Variants in P2RX7 observed in about 807,000 individuals in gnomAD.
The protein encoded by P2RX7 is purinergic receptor P2X 7.
A neutral mutation model predicts 71.6 loss-of-function variants in P2RX7; 62 were observed. That is an observed-to-expected ratio of 0.87 (90% CI 0.71 to 1.07). P2RX7 has a LOEUF of 1.07. Among genes scored for constraint, P2RX7 ranks in the 50% least tolerant of loss-of-function variants. P2RX7 has a pLI of 0.00. For missense variants in P2RX7, 686 were observed against 748.5 expected (o/e 0.92, Z 0.97); for synonymous variants, 299 against 283.3 (o/e 1.06, Z -0.56).
chr12:121,132,987 G>A lies in P2RX7; in HGVS notation c.17G>A (p.Ser6Asn). The A allele has an allele frequency of 6.2e-7, 1 of 1,613,980 alleles. No individual in the cohort carries two copies. The highest frequency in any genetic ancestry group is 8.5e-7 in the Non-Finnish European group (1 of 1,180,014). MPACC[S>N]CSDVFQYETN... Reference sequence around the variant, plus strand: ...GCTGTCACCATGCCGGCCTGCTGCAGCTGCAGTGATGTTTTCCAGTATGAG... The same window carrying A: ...GCTGTCACCATGCCGGCCTGCTGCAACTGCAGTGATGTTTTCCAGTATGAG... Residue 6 changes from serine (S) to asparagine (N), a missense_variant, in exon 1 of 13, where the codon AGC becomes AAC. Coordinates refer to ENST00000328963, the MANE Select transcript of P2RX7 (RefSeq NM_002562.6).
chr12:121,166,120 G>A lies in P2RX7; in HGVS notation c.677G>A (p.Cys226Tyr), dbSNP rs1327528806. 6.2e-7 allele frequency: 1 copy of A among 1,613,946 alleles called. No homozygotes were observed. The highest frequency in any genetic ancestry group is 8.5e-7 in the Non-Finnish European group (1 of 1,179,806). The change falls in exon 7 of 13, where the codon TGT becomes TAT. Residue 226 changes from cysteine (C) to tyrosine (Y), a missense_variant. Physicochemically the swap from Cys to Tyr is radical, Grantham distance 194. Coordinates refer to ENST00000328963, the MANE Select transcript of P2RX7 (RefSeq NM_002562.6). ...CTFHKTQNPQ[C>Y]PIFRLGDIFR... Reference sequence around the variant, plus strand: ...TTCCACAAGACTCAGAATCCACAGTGTCCCATTTTCCGACTAGGAGACATC... The same window carrying A: ...TTCCACAAGACTCAGAATCCACAGTATCCCATTTTCCGACTAGGAGACATC...
At chr12:121,135,480 G>A (rs1380343234) in intron 1 of P2RX7, among the ~76,000 whole-genome samples, 1 of 151,972 alleles carries the variant, frequency 6.6e-6, no homozygotes, top group South Asian at 2.1e-4. Flanking sequence ...ATCTGGAAAC[G>A]TGGATTCAAA....
chr12:121,155,273 C>T, intron 2 of P2RX7: 1 of 1,335,470 alleles, frequency 7.5e-7, no homozygotes. Flanking sequence ...GCAAGGTCTG[C>T]CGAGATTCAG....
intron 3 of P2RX7, among the ~76,000 whole-genome samples, chr12:121,159,184 C>T (rs530058782): frequency 2.0e-5 from 3 of 152,196 alleles, no homozygotes; most frequent in African/African-American, 7.2e-5. Flanking sequence ...TTTGGGAGGT[C>T]GAGGCAGGCA....
At chr12:121,169,397 C>A (rs996441466) in intron 8 of P2RX7, among the ~76,000 whole-genome samples, 2 of 152,084 alleles carry the variant, frequency 1.3e-5, no homozygotes, top group African/African-American at 4.8e-5. Flanking sequence ...CCTTTCATAC[C>A]GACCTATTAT....
chr12:121,179,544 A>C (rs551575887), intron 11 of P2RX7, among the ~76,000 whole-genome samples: 141 of 151,662 alleles, frequency 9.3e-4, no homozygotes, highest in African/African-American at 3.3e-3. Flanking sequence ...TCTTTCCCTC[A>C]TCCAAGAACA....
chr12:121,169,109 G>A (rs1374370273), intron 8 of P2RX7, among the ~76,000 whole-genome samples: 2 of 151,956 alleles, frequency 1.3e-5, no homozygotes, highest in African/African-American at 4.8e-5. Context: ...AGGACTACAG[G>A]TGCACGCCAC....
intron 9 of P2RX7, among the ~76,000 whole-genome samples, chr12:121,176,446 G>A (rs564836880): frequency 3.9e-5 from 6 of 152,136 alleles, no homozygotes; most frequent in African/African-American, 9.7e-5. Context: ...TGCAAAGACC[G>A]CTGGGAATAA....
chr12:121,144,750 C>A (rs1344136939), intron 1 of P2RX7, among the ~76,000 whole-genome samples: 3 of 151,950 alleles, frequency 2.0e-5, no homozygotes, highest in Non-Finnish European at 4.4e-5. Context: ...GTGATAGAGG[C>A]AGAGGAGAGA....
intron 9 of P2RX7, among the ~76,000 whole-genome samples, chr12:121,176,228 AACACACACACACACACAC>A (rs56222751): frequency 1.6e-4 from 22 of 140,844 alleles, no homozygotes; most frequent in Admixed American, 1.3e-3. Flanking sequence ...CAGCCCCTTC[AACACACACACACACACAC>A]ACACACACAC....
intron 1 of P2RX7, among the ~76,000 whole-genome samples, chr12:121,151,927 G>A (rs1343502056): frequency 2.0e-5 from 3 of 152,008 alleles, no homozygotes; most frequent in South Asian, 2.1e-4. Flanking sequence ...GTGGTGGCAC[G>A]AGCTACCCAC....
At chr12:121,162,675 A>C (rs938379133) in intron 5 of P2RX7, among the ~76,000 whole-genome samples, 155 bp downstream of exon 5, 1 of 152,058 alleles carries the variant, frequency 6.6e-6, no homozygotes, top group African/African-American at 2.4e-5. Context: ...ACTGCTTGGC[A>C]CAAACTAGTA....
In P2RX7 at chr12:121,132,961, G is replaced by A. The variant is rs1872730685; in HGVS notation, c.-10G>A. On this transcript the variant is annotated 5_prime_UTR_variant, in exon 1 of 13. Transcript: ENST00000328963. ...TGGTCCAGCTCCGCGCAGGGAGGGA[G>A]GCTGTCACCATGCCGGCCTGCTGCA... is the stretch of plus-strand genomic sequence containing the variant. The A allele has an allele frequency of 6.2e-7, 1 of 1,613,466 alleles. No homozygotes were observed. Among genetic ancestry groups the A allele is most frequent in the Admixed American group, 1.7e-5 (1 of 60,020 alleles).
rs201604423 is a variant in P2RX7 at position 121,165,357 on chromosome 12, G to A, written c.534G>A (p.Arg178=). Residue 178 remains arginine, a splice_region_variant and synonymous_variant, in exon 6 of 13, where the codon CGG becomes CGA. Coordinates refer to ENST00000328963, the MANE Select transcript of P2RX7 (RefSeq NM_002562.6). ...CPIEAVEEAP[R]PALLNSAENF... is the part of the protein sequence containing the mutation. Reference sequence around the variant, plus strand: ...GCCATTTTGCATGTCTCTCTCCCAGGCCTGCTCTCTTGAACAGTGCCGAAA... The same window carrying A: ...GCCATTTTGCATGTCTCTCTCCCAGACCTGCTCTCTTGAACAGTGCCGAAA... 1.3e-5 allele frequency: 21 copies of A among 1,613,566 alleles called. No individual in the cohort carries two copies. The highest frequency in any genetic ancestry group is 1.6e-5 in the Non-Finnish European group (19 of 1,179,702).
intron 3 of P2RX7, among the ~76,000 whole-genome samples, chr12:121,158,690 A>G (rs1879059813): frequency 6.6e-6 from 1 of 152,236 alleles, no homozygotes. Flanking sequence ...CCATGCAACA[A>G]TCACAAAAGA....
At position 121,184,428 on chromosome 12, in the gene P2RX7, G is replaced by A; in HGVS notation, c.1414G>A (p.Asp472Asn). 6.2e-7 allele frequency: 1 copy of A among 1,614,170 alleles called. No homozygotes were observed. The highest frequency in any genetic ancestry group is 2.2e-5 in the East Asian group (1 of 44,878). The change falls in exon 13 of 13, where the codon GAT becomes AAT. Residue 472 changes from aspartate to asparagine, a missense_variant. Transcript: ENST00000328963. ...LRKEATPRSR[D>N]SPVWCQCGSC... ...AAAGGAGGCGACTCCTAGATCCAGG[G>A]ATAGCCCCGTCTGGTGCCAGTGTGG...
chr12:121,155,216 C>T (rs1718125), intron 2 of P2RX7: 200,299 of 1,426,432 alleles, frequency 0.14, 16,847 homozygotes, highest in African/African-American at 0.34. Flanking sequence ...TTGATTCACT[C>T]GCGCTTGATT....
At position 121,148,296 on chromosome 12, in the gene P2RX7, C is replaced by T. The variant is rs575721489; in HGVS notation, c.126-6489C>T. ...ATGGCATGATCTTGGCTCACTGCAACCTCCGCCTCCCAGGTTCAAACGATT... is the reference window on the plus strand; with the variant it reads ...ATGGCATGATCTTGGCTCACTGCAATCTCCGCCTCCCAGGTTCAAACGATT... On this transcript the variant is annotated intron_variant, in intron 1 of 12. Coordinates refer to ENST00000328963, the MANE Select transcript of P2RX7 (RefSeq NM_002562.6). Among the ~76,000 whole-genome samples, 3 of 151,780 alleles carry T rather than the reference C, an allele frequency of 2.0e-5. No individual in the cohort carries two copies. In the South Asian group the frequency reaches 6.3e-4, roughly 32 times the overall value.
At chr12:121,183,001 C>G (rs1438574644) in intron 12 of P2RX7, among the ~76,000 whole-genome samples, 3 of 151,938 alleles carry the variant, frequency 2.0e-5, no homozygotes, top group Non-Finnish European at 4.4e-5. Context: ...CATGGTGAAA[C>G]CCCATCTCTA....
Sources: gnomAD v4.1 joint callset for allele counts (sites outside exome capture counted in the v4.1 genomes callset) on GRCh38, gnomAD v4.1.1 for gene constraint, MANE v1.5 for transcripts, NCBI Gene and HGNC (gene_info 2026-07-23, HGNC 2026-07-21) for gene names.